Variants in FXYD3 observed in about 807,000 individuals in gnomAD.
FXYD3 encodes FXYD domain containing ion transport regulator 3, also known as FXYD domain-containing ion transport regulator 3.
Under a neutral mutation model 19.2 loss-of-function variants are expected in FXYD3, and 13 were observed. The observed-to-expected ratio is 0.68, with a 90% CI of 0.44 to 1.08. FXYD3 has a LOEUF of 1.08. Among genes scored for constraint, FXYD3 ranks in the 50% least tolerant of loss-of-function variants. FXYD3 has a pLI of 0.00. For missense variants in FXYD3, 101 were observed against 109.4 expected (o/e 0.92, Z 0.34); for synonymous variants, 48 against 38.9 (o/e 1.23, Z -0.87).
At chr19:35,120,835 A>C (rs2065025405) in intron 3 of FXYD3, among the ~76,000 whole-genome samples, 1 of 151,730 alleles carries the variant, frequency 6.6e-6, no homozygotes. Context: ...GTGGCTAAAA[A>C]CCTCCTAGAT....
intron 5 of FXYD3, 135 bp downstream of exon 5, chr19:35,121,380 A>G (rs762520669): frequency 6.2e-7 from 1 of 1,604,534 alleles, no homozygotes; most frequent in Non-Finnish European, 8.5e-7. Context: ...GGGTTACTGA[A>G]TATGCCACAC....
intron 5 of FXYD3, among the ~76,000 whole-genome samples, chr19:35,122,435 G>A (rs118049475): frequency 0.01 from 1,560 of 152,320 alleles, 14 homozygotes; most frequent in Middle Eastern, 0.024. Context: ...GATATCAGGC[G>A]TGAGCCACCA....
intron 5 of FXYD3, 88 bp from the exon 6 acceptor site, chr19:35,122,677 G>T (rs1489599032): frequency 9.3e-7 from 1 of 1,074,644 alleles, no homozygotes; most frequent in Non-Finnish European, 1.4e-6. Flanking sequence ...GTGCATCCTA[G>T]GTGCTCCATA....
rs141976809 is a variant in FXYD3 at position 35,116,512 on chromosome 19, G to A, written c.-15+153G>A. On this transcript the variant is annotated intron_variant, in intron 2 of 8. Transcript: ENST00000604404. Reference sequence around the variant, plus strand: ...GCTTTTCTGGAGCCAGGAGATAAACGGAAGTCCCTTCCCCTAATGTCCCTT... The same window carrying A: ...GCTTTTCTGGAGCCAGGAGATAAACAGAAGTCCCTTCCCCTAATGTCCCTT... 102 of 985,410 alleles carry A rather than the reference G, an allele frequency of 1.0e-4. No homozygotes were observed. In the Middle Eastern group the frequency reaches 1.6e-3, roughly 15 times the overall value. 61.0% of individuals were successfully genotyped at this position (985,410 alleles called of 1,614,324 possible). A position where few individuals can be genotyped will look rare whatever the true frequency, so the allele number is the denominator to read the frequency against.
intron 4 of FXYD3, 24 bp from the exon 5 acceptor site, chr19:35,121,198 A>G: frequency 6.2e-7 from 1 of 1,614,144 alleles, no homozygotes; most frequent in Non-Finnish European, 8.5e-7. Flanking sequence ...TCCTGGATTC[A>G]TGATCTTTTT....
chr19:35,119,106 G>T, intron 2 of FXYD3: 1 of 1,228,240 alleles, frequency 8.1e-7, no homozygotes. Flanking sequence ...TTGGTTGCGG[G>T]GCGATTCCCA....
chr19:35,119,723 T>C (rs1461153798), intron 3 of FXYD3: 2 of 450,256 alleles, frequency 4.4e-6, no homozygotes, highest in East Asian at 8.4e-5. Flanking sequence ...CAGGCTGGAG[T>C]GCAATGGCGC....
At chr19:35,119,313 C>T (rs972095941) in intron 2 of FXYD3, 50 bp from the exon 3 acceptor site, 23 of 1,607,832 alleles carry the variant, frequency 1.4e-5, no homozygotes, top group Non-Finnish European at 2.0e-5. Context: ...AGGCACAGGG[C>T]CAGCCTCCCG....
chr19:35,121,596 T>G, intron 5 of FXYD3: 1 of 1,317,638 alleles, frequency 7.6e-7, no homozygotes, highest in Non-Finnish European at 9.8e-7. Context: ...CAGGTTCCAA[T>G]GACCTGCTCC....
At chr19:35,116,772 G>C (rs558317025) in intron 2 of FXYD3, 3 of 984,282 alleles carry the variant, frequency 3.0e-6, no homozygotes, top group African/African-American at 3.5e-5. Context: ...GGTGGACTCG[G>C]GGTGTCCAGA....
At chr19:35,118,931 C>T (rs556190464) in intron 2 of FXYD3, among the ~76,000 whole-genome samples, 4 of 152,324 alleles carry the variant, frequency 2.6e-5, no homozygotes, top group South Asian at 2.1e-4. Flanking sequence ...TGCCCCGCTT[C>T]CCCAAACACC....
intron 5 of FXYD3, among the ~76,000 whole-genome samples, chr19:35,122,128 T>C (rs1031930091): frequency 1.3e-5 from 2 of 151,594 alleles, no homozygotes; most frequent in Admixed American, 1.3e-4. Context: ...TTTTTGCAAC[T>C]GCTTTTAATG....
rs1296586170 is a variant in FXYD3, at chr19:35,120,100, G to A, written c.40+684G>A. ...TCAAGTAGAAGGCTCAGCTCAGTGC[G>A]ACTGCATCTTTAACTTCCAAACACT... is the stretch of plus-strand genomic sequence containing the variant. On this transcript the variant is annotated intron_variant, in intron 3 of 8. Transcript: ENST00000604404. 4.6e-5 allele frequency among the ~76,000 whole-genome samples: 7 copies of A among 151,722 alleles called. No individual in the cohort carries two copies. In the East Asian group the frequency reaches 1.2e-3, roughly 25 times the overall value.
At chr19:35,116,218 G>T (rs1459243341) in intron 1 of FXYD3, 46 bp from the exon 2 acceptor site, 3 of 985,330 alleles carry the variant, frequency 3.0e-6, no homozygotes, top group Non-Finnish European at 3.6e-6. Context: ...AGCAGGAATG[G>T]AGCCCCTGGG....
chr19:35,118,869 C>T (rs965550553), intron 2 of FXYD3, among the ~76,000 whole-genome samples: 8 of 152,194 alleles, frequency 5.3e-5, no homozygotes, highest in East Asian at 1.9e-4. Context: ...AGGCTCTGAG[C>T]GGTCTACGGA....
chr19:35,118,404 T>TGGGCAGGGACA (rs1019875617), intron 2 of FXYD3: 28 of 768,254 alleles, frequency 3.6e-5, no homozygotes, highest in African/African-American at 1.7e-4. Context: ...ACTCAGCATT[T>TGGGCAGGGACA]GGGCAGGGAC....
At chr19:35,120,346 G>A (rs531044202) in intron 3 of FXYD3, among the ~76,000 whole-genome samples, 24 of 151,904 alleles carry the variant, frequency 1.6e-4, no homozygotes, top group Non-Finnish European at 3.2e-4. Context: ...CACCATATTG[G>A]CCAGGCTGGT....
chr19:35,123,067 C>G (rs996124290), intron 7 of FXYD3, 113 bp downstream of exon 7: 9 of 1,461,482 alleles, frequency 6.2e-6, no homozygotes, highest in Non-Finnish European at 8.1e-6. Flanking sequence ...AGAGTTCCTG[C>G]CGCTAAGATT....
At chr19:35,120,354 G>A (rs1179333952) in intron 3 of FXYD3, among the ~76,000 whole-genome samples, 2 of 152,208 alleles carry the variant, frequency 1.3e-5, no homozygotes, top group Non-Finnish European at 2.9e-5. Flanking sequence ...TGGCCAGGCT[G>A]GTCTCGAACT....
Sources: gnomAD v4.1 joint callset for allele counts (sites outside exome capture counted in the v4.1 genomes callset) on GRCh38, gnomAD v4.1.1 for gene constraint, MANE v1.5 for transcripts, NCBI Gene and HGNC (gene_info 2026-07-23, HGNC 2026-07-21) for gene names.